FOXRED2: variants seen among roughly 807,000 people sequenced by gnomAD.
FOXRED2 encodes the protein FAD dependent oxidoreductase domain containing 2, also known as FAD-dependent oxidoreductase domain-containing protein 2.
A neutral mutation model predicts 52.5 loss-of-function variants in FOXRED2; 32 were observed. That is an observed-to-expected ratio of 0.61 (90% CI 0.46 to 0.82). The LOEUF is 0.82. Ranked by LOEUF, FOXRED2 falls within the 40% of genes least tolerant of loss-of-function variation. The probability of loss-of-function intolerance (pLI) is 0.00; values close to 1 mark genes in which losing one functional copy is unlikely to be tolerated. For missense variants in FOXRED2, 848 were observed against 937.5 expected (o/e 0.90, Z 1.25); for synonymous variants, 405 against 398.1 (o/e 1.02, Z -0.21).
At position 36,504,879 on chromosome 22, in the gene FOXRED2, TAAAAG is replaced by T. The variant is rs1172123358; in HGVS notation, c.528-118_528-114del. 1.5e-5 allele frequency: 16 copies of T among 1,058,060 alleles called. 1 individual carries two copies. The South Asian group carries it at 2.5e-4, about 17-fold the overall frequency. The allele number at this position is 1,058,060 out of a possible 1,614,324, so 65.5% of individuals were successfully genotyped here. ...CTGCCTGGCTCCAACCGCCGGCCCC[TAAAAG>T]AAAATAGGACATTCATTCATTCATT... On this transcript the variant is annotated intron_variant, in intron 2 of 8. Transcript: ENST00000397224.
intron 2 of FOXRED2, 38 bp downstream of exon 2, chr22:36,505,858 T>A: frequency 6.3e-7 from 1 of 1,594,250 alleles, no homozygotes; most frequent in Non-Finnish European, 8.6e-7. Context: ...GTGGGGAAGG[T>A]CCCAGCTTCC....
At chr22:36,498,462 G>A (rs1244517353) in intron 5 of FOXRED2, 1 of 295,710 alleles carries the variant, frequency 3.4e-6, no homozygotes, top group South Asian at 6.2e-5. Context: ...AACAGGCAAA[G>A]GAGTGAGCAC....
chr22:36,496,177 A>C lies in FOXRED2; in HGVS notation c.1414T>G (p.Phe472Val). Residue 472 changes from phenylalanine to valine, a missense_variant, in exon 7 of 9, where the codon TTC becomes GTC. Coordinates refer to ENST00000397224, the MANE Select transcript of FOXRED2 (RefSeq NM_001102371.2). Reference protein sequence around the residue: ...NSTAFEYLEEFPIQMLAQLET... With the variant: ...NSTAFEYLEEVPIQMLAQLET... The stretch of plus-strand genomic sequence containing the variant: ...AGCTGGGCCAGCATCTGTATGGGGA[A>C]CTCCTCCAGGTACTCAAAGGCCGTG... 1 of 1,613,754 alleles carries C rather than the reference A, an allele frequency of 6.2e-7. No individual in the cohort carries two copies. Among genetic ancestry groups the C allele is most frequent in the Non-Finnish European group, 8.5e-7 (1 of 1,179,974 alleles).
At position 36,498,002 on chromosome 22, in the gene FOXRED2, G is replaced by A. The variant is rs768111738; in HGVS notation, c.1371C>T (p.Ile457=). Residue 457 remains isoleucine, a synonymous_variant, in exon 6 of 9, where the codon ATC becomes ATT. Transcript: ENST00000397224. ...YQMFGVLADV[I]LLKENSTAFE... ...GACGGGCTACTCACTCCTTCAACAG[G>A]ATGACATCGGCCAGCACACCGAACA... 3.1e-6 allele frequency: 5 copies of A among 1,613,890 alleles called. No homozygotes were observed. The South Asian group carries it at 5.5e-5, about 18-fold the overall frequency.
In FOXRED2 at chr22:36,501,168, G is replaced by A. The variant is rs998479218; in HGVS notation, c.1216+73C>T. ...TCCCCTAATGCTTCTGGACATAGGA[G>A]TAGATTTATAAACCCTGGGATGCTG... On this transcript the variant is annotated intron_variant, in intron 5 of 8. Coordinates refer to ENST00000397224, the MANE Select transcript of FOXRED2 (RefSeq NM_001102371.2). 6 of 1,479,090 alleles carry A rather than the reference G, an allele frequency of 4.1e-6. No individual in the cohort carries two copies. The Admixed American group carries it at 5.3e-5, about 13-fold the overall frequency. The allele number at this position is 1,479,090 out of a possible 1,614,324, so 91.6% of individuals were successfully genotyped here.
chr22:36,506,311 C>A lies in FOXRED2; in HGVS notation c.112G>T (p.Ala38Ser). 1 of 1,549,850 alleles carries A rather than the reference C, an allele frequency of 6.5e-7. No homozygotes were observed. The highest frequency in any genetic ancestry group is 1.2e-5 in the South Asian group (1 of 83,600). Residue 38 changes from alanine (A) to serine (S), a missense_variant, in exon 2 of 9, where the codon GCT (alanine) becomes TCT (serine). Ala to Ser is a moderately conservative substitution (Grantham distance 99, BLOSUM62 1). Transcript: ENST00000397224. The part of the protein sequence containing the change: ...PPRRDYCVLG[A>S]GPAGLQMAYF... ...GCCATCTGCAGGCCCGCGGGCCCAG[C>A]GCCCAGCACGCAGTAGTCCCGGCGC...
intron 5 of FOXRED2, among the ~76,000 whole-genome samples, chr22:36,500,469 A>T (rs549502299): frequency 3.3e-4 from 50 of 152,300 alleles, no homozygotes; most frequent in African/African-American, 9.6e-4. Flanking sequence ...AATAAATAGA[A>T]TTATGTTTTT....
At chr22:36,496,243 G>A (rs1933894368) in intron 6 of FOXRED2, 35 bp from the exon 7 acceptor site, 1 of 1,611,170 alleles carries the variant, frequency 6.2e-7, no homozygotes, top group African/African-American at 1.3e-5. Context: ...GGCCCTCAGT[G>A]CTGTGGCAGA....
Position 36,493,809 on chromosome 22 carries a change from G to C in FOXRED2, c.1625-6C>G. The C allele has an allele frequency of 1.1e-5, 17 of 1,613,692 alleles. No individual in the cohort carries two copies. Among genetic ancestry groups the C allele is most frequent in the Non-Finnish European group, 1.4e-5 (17 of 1,179,728 alleles). On this transcript the variant is annotated splice_region_variant and splice_polypyrimidine_tract_variant and intron_variant, in intron 7 of 8. Coordinates refer to ENST00000397224, the MANE Select transcript of FOXRED2 (RefSeq NM_001102371.2). ...GCGGAACCTCACCTCCTGTTCTGTG[G>C]GGAGGAGAGAGGGGGCCATGTCAGA...
chr22:36,506,457 C>G (rs976739799), intron 1 of FOXRED2, 34 bp from the exon 2 acceptor site: 2 of 1,413,460 alleles, frequency 1.4e-6, no homozygotes, highest in African/African-American at 1.5e-5. Context: ...GCCTCGCACC[C>G]GGCCCGGCGG....
Position 36,495,923 on chromosome 22 carries a change from G to A in FOXRED2, c.1624+44C>T, listed in dbSNP as rs541182392. 1.1e-5 allele frequency: 18 copies of A among 1,605,802 alleles called. No individual in the cohort carries two copies. The South Asian group carries it at 1.9e-4, about 17-fold the overall frequency. On this transcript the variant is annotated intron_variant, in intron 7 of 8. Transcript: ENST00000397224. ...GGGTGACAACCTTGCAGACGGTGAGGTCTGAGGAGCCCACAGGTTGGGGAA... is the reference window on the plus strand; with the variant it reads ...GGGTGACAACCTTGCAGACGGTGAGATCTGAGGAGCCCACAGGTTGGGGAA...
intron 5 of FOXRED2, among the ~76,000 whole-genome samples, chr22:36,498,623 C>G (rs1188155669): frequency 6.6e-6 from 1 of 152,202 alleles, no homozygotes; most frequent in African/African-American, 2.4e-5. Flanking sequence ...GCTCTGTTTC[C>G]ATCAGAGACG....
rs146294035 is a variant in FOXRED2, at chr22:36,497,834, A to T, written c.1382+157T>A. Among the ~76,000 whole-genome samples, 268 of 152,282 alleles carry T rather than the reference A, an allele frequency of 1.8e-3. 2 individuals are homozygous for T. The highest frequency in any genetic ancestry group is 6.1e-3 in the African/African-American group (254 of 41,544). On this transcript the variant is annotated intron_variant, in intron 6 of 8. Transcript: ENST00000397224. ...CACTCACAGGACTGTCTGTAGAGTTAATGTCATTGTTTTTCCCCAGAACAG... is the reference window on the plus strand; with the variant it reads ...CACTCACAGGACTGTCTGTAGAGTTTATGTCATTGTTTTTCCCCAGAACAG...
intron 4 of FOXRED2, among the ~76,000 whole-genome samples, chr22:36,501,740 C>G (rs569813940): frequency 8.6e-5 from 13 of 152,046 alleles, no homozygotes; most frequent in Non-Finnish European, 1.5e-4. Context: ...GGATTACAAG[C>G]GCGAGCCACT....
In FOXRED2 at chr22:36,488,328, T is replaced by C. The variant is rs1933658995; in HGVS notation, c.*1680A>G. The stretch of plus-strand genomic sequence containing the variant: ...GGCTGGAGTACAGTGGCTCGGTCTC[T>C]GCTCACTGCAACCTCCACCTCCCAG... On this transcript the variant is annotated 3_prime_UTR_variant, in exon 9 of 9. Transcript: ENST00000397224. 6.6e-6 allele frequency: 1 copy of C among 152,140 alleles called. No homozygotes were observed. The highest frequency in any genetic ancestry group is 1.5e-5 in the Non-Finnish European group (1 of 68,056). 9.4% of individuals were successfully genotyped at this position (152,140 alleles called of 1,614,324 possible).
intron 7 of FOXRED2, among the ~76,000 whole-genome samples, chr22:36,495,128 T>A (rs1933862282): frequency 2.6e-5 from 4 of 151,976 alleles, no homozygotes; most frequent in Admixed American, 2.0e-4. Context: ...TTTTTGCATT[T>A]TTTTCATGTT....
In FOXRED2 at chr22:36,504,576, G is replaced by A. The variant is rs376532267; in HGVS notation, c.718C>T (p.His240Tyr). 1 of 1,614,156 alleles carries A rather than the reference G, an allele frequency of 6.2e-7. No homozygotes were observed. Among genetic ancestry groups the A allele is most frequent in the Non-Finnish European group, 8.5e-7 (1 of 1,180,020 alleles). ...CGGACCCGGGAGCGGCTGAGCATATGGATAAAGTTTGTGACACCCAAGATG... is the reference window on the plus strand; with the variant it reads ...CGGACCCGGGAGCGGCTGAGCATATAGATAAAGTTTGTGACACCCAAGATG... Reference protein sequence around the residue: ...ENILGVTNFIHMLSRSRVRLS... With the variant: ...ENILGVTNFIYMLSRSRVRLS... The change falls in exon 3 of 9, where the codon CAT becomes TAT. Residue 240 changes from histidine (H) to tyrosine (Y), a missense_variant. Coordinates refer to ENST00000397224, the MANE Select transcript of FOXRED2 (RefSeq NM_001102371.2).
intron 1 of FOXRED2, 68 bp from the exon 2 acceptor site, chr22:36,506,491 G>C: frequency 2.2e-6 from 3 of 1,377,276 alleles, no homozygotes; most frequent in Non-Finnish European, 2.8e-6. Flanking sequence ...GGCCCAGAAA[G>C]AGGCGGGGCC....
chr22:36,494,663 A>C (rs1933846346), intron 7 of FOXRED2, among the ~76,000 whole-genome samples: 1 of 151,720 alleles, frequency 6.6e-6, no homozygotes, highest in Non-Finnish European at 1.5e-5. Context: ...TTTTTGAGAC[A>C]GAGTCTCGCT....
Sources: gnomAD v4.1 joint callset for allele counts (sites outside exome capture counted in the v4.1 genomes callset) on GRCh38, gnomAD v4.1.1 for gene constraint, MANE v1.5 for transcripts, NCBI Gene and HGNC (gene_info 2026-07-23, HGNC 2026-07-21) for gene names.